Variants in DLGAP1 observed in about 807,000 individuals in gnomAD.
The protein encoded by DLGAP1 is disks large-associated protein 1.
In DLGAP1, 11 loss-of-function variants were observed where a neutral mutation model predicts 90.8. The ratio of observed to expected loss-of-function variants is 0.12; its 90% CI spans 0.08 to 0.20. The LOEUF (loss-of-function observed/expected upper bound fraction) is 0.20. Among genes scored for constraint, DLGAP1 ranks in the 10% least tolerant of loss-of-function variants. The pLI, the probability that DLGAP1 is intolerant of heterozygous loss-of-function variation, is 1.00. For synonymous variants in DLGAP1, 558 were observed against 540.7 expected, an observed-to-expected ratio of 1.03 and a Z score of -0.44; for missense variants, 1,050 against 1,333.8, an observed-to-expected ratio of 0.79 and a Z score of 3.31.
chr18:4,269,632 G>A (rs2079227385), intron 1 of DLGAP1, among the ~76,000 whole-genome samples: 2 of 151,904 alleles, frequency 1.3e-5, no homozygotes, highest in Non-Finnish European at 1.5e-5. Context: ...GGCATTACAG[G>A]CGTGAGCCAC....
chr18:3,615,110 TG>T (rs1460423871), intron 7 of DLGAP1, among the ~76,000 whole-genome samples: 1 of 151,886 alleles, frequency 6.6e-6, no homozygotes, highest in Admixed American at 6.6e-5. Context: ...TTAGTAGAGA[TG>T]GGTTTTCACC....
At chr18:3,627,031 C>T (rs928156285) in intron 7 of DLGAP1, among the ~76,000 whole-genome samples, 1 of 152,130 alleles carries the variant, frequency 6.6e-6, no homozygotes. Context: ...AGTCATATTT[C>T]AATAAGGTCA....
intron 7 of DLGAP1, chr18:3,722,129 C>T (rs1477087940): frequency 6.6e-6 from 1 of 152,102 alleles, no homozygotes; most frequent in African/African-American, 2.4e-5. Flanking sequence ...GCCAGAAAAC[C>T]CTGGAAGCCC....
At chr18:3,920,144 ACCAG>A (rs2072234279) in intron 3 of DLGAP1, among the ~76,000 whole-genome samples, 1 of 152,102 alleles carries the variant, frequency 6.6e-6, no homozygotes, top group African/African-American at 2.4e-5. Context: ...GGAGTTCGAG[ACCAG>A]CCTGGCCAAC....
chr18:3,754,124 C>G (rs1263181982), intron 5 of DLGAP1, among the ~76,000 whole-genome samples: 3 of 152,162 alleles, frequency 2.0e-5, no homozygotes, highest in African/African-American at 7.2e-5. Flanking sequence ...TCTCAGCCTC[C>G]TGAGTAGTTG....
intron 1 of DLGAP1, among the ~76,000 whole-genome samples, chr18:4,393,049 A>C (rs1352211036): frequency 6.6e-6 from 1 of 152,162 alleles, no homozygotes; most frequent in Non-Finnish European, 1.5e-5. Flanking sequence ...TTCATCATCT[A>C]CCACTTACAG....
intron 2 of DLGAP1, among the ~76,000 whole-genome samples, chr18:4,132,084 G>A (rs921962681): frequency 9.2e-5 from 14 of 152,092 alleles, no homozygotes; most frequent in Middle Eastern, 3.4e-3. Context: ...TTGAAGCTTG[G>A]CAGCTAAAAC....
chr18:3,527,150 T>G (rs2051680280), intron 10 of DLGAP1, among the ~76,000 whole-genome samples: 1 of 152,232 alleles, frequency 6.6e-6, no homozygotes, highest in South Asian at 2.1e-4. Flanking sequence ...CTCCAAATGC[T>G]TGTTTTCGGT....
intron 4 of DLGAP1, among the ~76,000 whole-genome samples, chr18:3,848,612 T>C (rs1376712809): frequency 6.6e-6 from 1 of 152,174 alleles, no homozygotes; most frequent in Non-Finnish European, 1.5e-5. Context: ...TGGGCTCCTG[T>C]AGAGTTCTGT....
chr18:3,707,314 T>C (rs893775692), intron 7 of DLGAP1, among the ~76,000 whole-genome samples: 1 of 152,134 alleles, frequency 6.6e-6, no homozygotes, highest in African/African-American at 2.4e-5. Context: ...AAATGGACCC[T>C]AGACGGGGTG....
chr18:3,524,279 A>T (rs1193367997), intron 10 of DLGAP1, among the ~76,000 whole-genome samples: 1 of 148,546 alleles, frequency 6.7e-6, no homozygotes, highest in Non-Finnish European at 1.5e-5. Flanking sequence ...TGTTTCAATT[A>T]AAAAAAAAAG....
chr18:3,655,571 T>G (rs995108525), intron 7 of DLGAP1: 1 of 151,570 alleles, frequency 6.6e-6, no homozygotes, highest in Non-Finnish European at 1.5e-5. Context: ...TGCCTCATAG[T>G]GGTGGGTCAC....
chr18:3,619,386 TG>T (rs1235205580), intron 7 of DLGAP1, among the ~76,000 whole-genome samples: 1 of 152,186 alleles, frequency 6.6e-6, no homozygotes, highest in African/African-American at 2.4e-5. Context: ...AAAGCAGTGC[TG>T]GGGGCTGGGC....
intron 6 of DLGAP1, among the ~76,000 whole-genome samples, chr18:3,738,611 T>C (rs1411120314): frequency 6.6e-6 from 1 of 152,002 alleles, no homozygotes; most frequent in Non-Finnish European, 1.5e-5. Flanking sequence ...TTACACCTTA[T>C]ACAAAAATTA....
intron 7 of DLGAP1, among the ~76,000 whole-genome samples, chr18:3,609,811 A>G (rs2057511745): frequency 6.6e-6 from 1 of 151,488 alleles, no homozygotes; most frequent in South Asian, 2.1e-4. Flanking sequence ...TAATCCCAGC[A>G]CTTTGGGAGG....
intron 1 of DLGAP1, among the ~76,000 whole-genome samples, chr18:4,369,846 G>T (rs1460602022): frequency 6.6e-6 from 1 of 151,158 alleles, no homozygotes; most frequent in Non-Finnish European, 1.5e-5. Context: ...AAAAGGCGGG[G>T]GGAAGAAAAG....
At chr18:3,758,962 C>T (rs900518662) in intron 5 of DLGAP1, among the ~76,000 whole-genome samples, 9 of 152,068 alleles carry the variant, frequency 5.9e-5, no homozygotes, top group African/African-American at 2.2e-4. Context: ...CCAATGTGCC[C>T]CATCCGAAGA....
chr18:4,221,929 CA>C (rs368371832), intron 1 of DLGAP1, among the ~76,000 whole-genome samples: 1 of 152,128 alleles, frequency 6.6e-6, no homozygotes, highest in African/African-American at 2.4e-5. Flanking sequence ...CTTTTTGAAA[CA>C]GTCTTTTCAG....
intron 2 of DLGAP1, among the ~76,000 whole-genome samples, chr18:4,018,575 G>C (rs1209435539): frequency 6.6e-6 from 1 of 152,232 alleles, no homozygotes; most frequent in Non-Finnish European, 1.5e-5. Flanking sequence ...ATTTAGGAAT[G>C]AGTACTTCCC....
Sources: allele counts gnomAD v4.1 joint callset (sites outside exome capture counted in the v4.1 genomes callset), GRCh38; gene constraint gnomAD v4.1.1; transcripts MANE v1.5; gene names NCBI Gene and HGNC (gene_info 2026-07-23, HGNC 2026-07-21).